The following ANKS1B variants were observed in gnomAD, a reference collection of about 807,000 sequenced individuals.
ANKS1B encodes the protein ankyrin repeat and sterile alpha motif domain containing 1B, also known as ankyrin repeat and sterile alpha motif domain-containing protein 1B.
A neutral mutation model predicts 148.3 loss-of-function variants in ANKS1B; 36 were observed. The ratio of observed to expected loss-of-function variants is 0.24; its 90% CI spans 0.19 to 0.32. The LOEUF (loss-of-function observed/expected upper bound fraction) is 0.32, where lower values mean the gene tolerates loss of function less well. Among genes scored for constraint, ANKS1B ranks in the 10% least tolerant of loss-of-function variants. The pLI is 1.00. For missense variants in ANKS1B, 1,157 were observed against 1,542.6 expected (o/e 0.75, Z 4.19); for synonymous variants, 542 against 560.8 (o/e 0.97, Z 0.47).
chr12:98,857,954 T>C (rs1181478669), intron 17 of ANKS1B, among the ~76,000 whole-genome samples: 1 of 152,214 alleles, frequency 6.6e-6, no homozygotes, highest in African/African-American at 2.4e-5. Flanking sequence ...TGTAGTCTTA[T>C]CTTTTTGGGT....
chr12:99,900,865 C>A (rs117576590), intron 1 of ANKS1B, among the ~76,000 whole-genome samples: 1,696 of 152,252 alleles, frequency 0.011, 14 homozygotes, highest in Non-Finnish European at 0.018. Flanking sequence ...AATGCATGAG[C>A]AAATCACATT....
intron 1 of ANKS1B, among the ~76,000 whole-genome samples, chr12:99,883,399 T>G (rs555645720): frequency 6.6e-6 from 1 of 152,028 alleles, no homozygotes; most frequent in Non-Finnish European, 1.5e-5. Context: ...AAAGAGAACA[T>G]AGACATAAAC....
chr12:99,304,373 T>C (rs527980729), intron 12 of ANKS1B, among the ~76,000 whole-genome samples: 1 of 152,156 alleles, frequency 6.6e-6, no homozygotes, highest in Non-Finnish European at 1.5e-5. Context: ...AGTTCACATT[T>C]GAGCAGAAGG....
chr12:99,930,768 T>A (rs1488234749), intron 1 of ANKS1B, among the ~76,000 whole-genome samples: 1 of 152,226 alleles, frequency 6.6e-6, no homozygotes, highest in African/African-American at 2.4e-5. Flanking sequence ...GTTCAACCAT[T>A]GTGGAAGTCA....
At chr12:99,775,883 G>A (rs2063601698) in intron 6 of ANKS1B, among the ~76,000 whole-genome samples, 1 of 151,916 alleles carries the variant, frequency 6.6e-6, no homozygotes, top group Non-Finnish European at 1.5e-5. Flanking sequence ...GGATTATTTG[G>A]GAGAAACTCT....
intron 1 of ANKS1B, among the ~76,000 whole-genome samples, chr12:99,928,895 C>T (rs1603463017): frequency 6.6e-6 from 1 of 152,024 alleles, no homozygotes; most frequent in Non-Finnish European, 1.5e-5. Context: ...GAAAAGCAGG[C>T]TTGGAAGTGA....
intron 1 of ANKS1B, among the ~76,000 whole-genome samples, chr12:99,926,566 G>C (rs2094481596): frequency 6.6e-6 from 1 of 152,202 alleles, no homozygotes; most frequent in African/African-American, 2.4e-5. Flanking sequence ...CTTCAGAATG[G>C]AACCACATCG....
chr12:99,548,077 T>C (rs1477033954), intron 9 of ANKS1B, among the ~76,000 whole-genome samples: 5 of 152,210 alleles, frequency 3.3e-5, no homozygotes, highest in Non-Finnish European at 7.4e-5. Flanking sequence ...TCAGACCAGT[T>C]GTGCTGCCCA....
chr12:99,021,845 A>G (rs554487997), intron 17 of ANKS1B, among the ~76,000 whole-genome samples: 2 of 152,308 alleles, frequency 1.3e-5, no homozygotes, highest in Non-Finnish European at 2.9e-5. Context: ...CATTTTTCAT[A>G]AGCTAAATAG....
At chr12:99,678,810 C>T (rs964182719) in intron 8 of ANKS1B, among the ~76,000 whole-genome samples, 1 of 152,038 alleles carries the variant, frequency 6.6e-6, no homozygotes, top group Non-Finnish European at 1.5e-5. Flanking sequence ...TATGAATGCC[C>T]ATTAATATGA....
chr12:98,929,996 T>C (rs559385311), intron 17 of ANKS1B, among the ~76,000 whole-genome samples: 19 of 152,086 alleles, frequency 1.2e-4, no homozygotes, highest in Non-Finnish European at 2.6e-4. Context: ...AAAGTAAAAA[T>C]ACAATCCACA....
At chr12:99,313,364 C>G (rs1282923060) in intron 12 of ANKS1B, among the ~76,000 whole-genome samples, 1 of 152,162 alleles carries the variant, frequency 6.6e-6, no homozygotes, top group African/African-American at 2.4e-5. Flanking sequence ...ACCAAACCTT[C>G]TGAAACTATT....
chr12:99,802,534 ATG>A (rs2067077525), intron 4 of ANKS1B, among the ~76,000 whole-genome samples: 1 of 152,220 alleles, frequency 6.6e-6, no homozygotes, highest in Non-Finnish European at 1.5e-5. Context: ...TATTTTAAAT[ATG>A]TGTTATAATT....
chr12:99,063,984 AG>A (rs1565844133), intron 16 of ANKS1B, among the ~76,000 whole-genome samples: 1 of 152,218 alleles, frequency 6.6e-6, no homozygotes, highest in Non-Finnish European at 1.5e-5. Flanking sequence ...AACCCTCAGA[AG>A]TAAGAAAACT....
chr12:99,709,006 G>A (rs1206893658), intron 8 of ANKS1B, among the ~76,000 whole-genome samples: 3 of 152,020 alleles, frequency 2.0e-5, no homozygotes, highest in African/African-American at 7.2e-5. Context: ...ATAGTATTTT[G>A]ACTCCTAAAC....
chr12:98,857,907 AGAAGTAT>A (rs1471283700), intron 17 of ANKS1B, among the ~76,000 whole-genome samples: 1 of 152,228 alleles, frequency 6.6e-6, no homozygotes, highest in Non-Finnish European at 1.5e-5. Flanking sequence ...TGCTTGACAA[AGAAGTAT>A]GTAGCTATAT....
intron 9 of ANKS1B, among the ~76,000 whole-genome samples, chr12:99,604,445 T>C (rs777619672): frequency 1.7e-4 from 26 of 152,102 alleles, no homozygotes; most frequent in Admixed American, 4.6e-4. Flanking sequence ...TTGAGAACTT[T>C]GTCAAAAATG....
intron 17 of ANKS1B, among the ~76,000 whole-genome samples, chr12:98,884,863 T>C (rs1464502680): frequency 1.3e-5 from 2 of 151,320 alleles, no homozygotes; most frequent in African/African-American, 2.4e-5. Context: ...GATGTGTATC[T>C]AGCATCCTGA....
intron 16 of ANKS1B, among the ~76,000 whole-genome samples, chr12:99,055,609 A>T (rs2099969121): frequency 6.6e-6 from 1 of 151,996 alleles, no homozygotes; most frequent in Admixed American, 6.6e-5. Context: ...AAGAAAATCT[A>T]GGTAAGTACA....
Sources: gnomAD v4.1 joint callset for allele counts (sites outside exome capture counted in the v4.1 genomes callset) on GRCh38, gnomAD v4.1.1 for gene constraint, MANE v1.5 for transcripts, NCBI Gene and HGNC (gene_info 2026-07-23, HGNC 2026-07-21) for gene names.